The following PDHA1 variants were observed in gnomAD, a reference collection of about 807,000 sequenced individuals.
PDHA1 encodes pyruvate dehydrogenase E1 component subunit alpha, somatic form, mitochondrial.
PDHA1 carries 1 observed loss-of-function variant against 33.0 expected under a neutral mutation model. That is an observed-to-expected ratio of 0.03 (90% CI 0.01 to 0.14). PDHA1 has a LOEUF of 0.14. Among genes scored for constraint, PDHA1 ranks in the 10% least tolerant of loss-of-function variants. The pLI is 1.00. For missense variants in PDHA1, 168 were observed against 325.1 expected (o/e 0.52, Z 3.72); for synonymous variants, 123 against 119.2 (o/e 1.03, Z -0.21).
chrX:19,358,057 A>G (rs1602230067), intron 9 of PDHA1, among the ~76,000 whole-genome samples: 2 of 111,985 alleles, frequency 1.8e-5, no homozygotes, highest in Admixed American at 9.5e-5. Flanking sequence ...CCCCAAGTCT[A>G]CACCTGGCAT....
chrX:19,359,056 T>G (rs772994979), intron 10 of PDHA1, 32 bp downstream of exon 10: 14 of 996,185 alleles, frequency 1.4e-5, no homozygotes, highest in Non-Finnish European at 2.0e-5. Flanking sequence ...GGTTTGAAGG[T>G]TGGCTTTAAA....
chrX:19,344,207 C>A, intron 1 of PDHA1, 113 bp downstream of exon 1: 2 of 631,884 alleles, frequency 3.2e-6, no homozygotes, highest in Non-Finnish European at 4.8e-6. Flanking sequence ...GCCAGGGGAG[C>A]CGGGGAGCCT....
chrX:19,357,528 CAGA>C (rs1341246606), intron 8 of PDHA1, 121 bp from the exon 9 acceptor site: 8 of 584,613 alleles, frequency 1.4e-5, no homozygotes, highest in Admixed American at 1.3e-4. Flanking sequence ...CGTGACAACT[CAGA>C]AGATCTGATA....
At chrX:19,357,877 C>CCAA (rs2063214637) in intron 9 of PDHA1, among the ~76,000 whole-genome samples, 158 bp downstream of exon 9, 2 of 111,778 alleles carry the variant, frequency 1.8e-5, no homozygotes, top group African/African-American at 6.6e-5. Flanking sequence ...GCAGTGCCTC[C>CCAA]TAATAAGAAA....
chrX:19,357,592 C>A, intron 8 of PDHA1, 60 bp from the exon 9 acceptor site: 1 of 962,987 alleles, frequency 1.0e-6, no homozygotes, highest in Non-Finnish European at 1.5e-6. Flanking sequence ...CCGTGGATTG[C>A]CGGCCTGTTC....
At chrX:19,357,842 G>C in intron 9 of PDHA1, 123 bp downstream of exon 9, 1 of 564,197 alleles carries the variant, frequency 1.8e-6, no homozygotes, top group Non-Finnish European at 3.1e-6. Flanking sequence ...GTACGCAGTT[G>C]TGTTGGGCAT....
chrX:19,361,389 C>A lies in PDHA1; in HGVS notation c.*1736C>A. On this transcript the variant is annotated 3_prime_UTR_variant, in exon 11 of 11. Transcript: ENST00000422285. ...CCTTAGTGATCTCATTAAGAATATC[C>A]GAAAGTGTATAACCCTCTTCAACAA... The A allele has an allele frequency of 8.3e-7, 1 of 1,208,945 alleles. No individual in the cohort carries two copies. Among genetic ancestry groups the A allele is most frequent in the East Asian group, 3.0e-5 (1 of 33,858 alleles).
At chrX:19,354,222 C>T (rs1346435806) in intron 5 of PDHA1, among the ~76,000 whole-genome samples, 2 of 112,725 alleles carry the variant, frequency 1.8e-5, no homozygotes, top group Non-Finnish European at 3.7e-5. Context: ...TGAGCCACCA[C>T]GCCCGGCCAG....
Position 19,360,841 on chromosome X carries a change from A to G in PDHA1, c.*1188A>G, listed in dbSNP as rs761827915. 2.5e-6 allele frequency: 3 copies of G among 1,184,908 alleles called. No individual in the cohort carries two copies. Among genetic ancestry groups the G allele is most frequent in the Admixed American group, 2.3e-5 (1 of 43,023 alleles). On this transcript the variant is annotated 3_prime_UTR_variant, in exon 11 of 11. Coordinates refer to ENST00000422285, the MANE Select transcript of PDHA1 (RefSeq NM_000284.4). ...CTGCAGAGGAGACCACCCCTGGGAA[A>G]CAAACACAGCTGTCTTCAGAGTCAG...
chrX:19,353,663 A>G (rs1243041362), intron 5 of PDHA1, among the ~76,000 whole-genome samples: 1 of 111,621 alleles, frequency 9.0e-6, no homozygotes, highest in Non-Finnish European at 1.9e-5. Flanking sequence ...TTCATATCCT[A>G]CCGTTTGAGA....
At chrX:19,357,052 GCCCCACAACACACCA>G (rs904611864) in intron 8 of PDHA1, among the ~76,000 whole-genome samples, 2 of 112,241 alleles carry the variant, frequency 1.8e-5, no homozygotes, top group Non-Finnish European at 3.8e-5. Flanking sequence ...GTGGCTGCCA[GCCCCACAACACACCA>G]TGAGAAAGGA....
At position 19,360,779 on chromosome X, in the gene PDHA1, C is replaced by T; in HGVS notation, c.*1126C>T. 1 of 1,209,766 alleles carries T rather than the reference C, an allele frequency of 8.3e-7. No individual in the cohort carries two copies. The highest frequency in any genetic ancestry group is 3.0e-5 in the East Asian group (1 of 33,788). Reference sequence around the variant, plus strand: ...CCTTGTCTTTGGTTTCTGAGGCCTCCTGAGCCCTTCTGTACTGGGAGACCG... The same window carrying T: ...CCTTGTCTTTGGTTTCTGAGGCCTCTTGAGCCCTTCTGTACTGGGAGACCG... On this transcript the variant is annotated 3_prime_UTR_variant, in exon 11 of 11. Transcript: ENST00000422285.
chrX:19,344,164 C>A, intron 1 of PDHA1, 70 bp downstream of exon 1: 1 of 957,086 alleles, frequency 1.0e-6, no homozygotes, highest in Non-Finnish European at 1.5e-6. Context: ...GCAGGGCGGG[C>A]CAGGCCGGGC....
intron 9 of PDHA1, 32 bp downstream of exon 9, chrX:19,357,751 G>A (rs2063213751): frequency 2.7e-6 from 3 of 1,110,197 alleles, no homozygotes; most frequent in South Asian, 3.6e-5. Flanking sequence ...TTTCCATAGG[G>A]GTGGGCTTTG....
Position 19,361,618 on chromosome X carries a change from A to G in PDHA1, c.*1965A>G, listed in dbSNP as rs1463513229. The G allele has an allele frequency of 9.5e-7, 1 of 1,050,054 alleles. No individual in the cohort carries two copies. The highest frequency in any genetic ancestry group is 2.4e-5 in the Admixed American group (1 of 42,196). 86.5% of individuals were successfully genotyped at this position (1,050,054 alleles called of 1,213,427 possible). ...CCTGTAACGATTGGCAATTTGTTAT[A>G]TATTAGTCTAACCATAAAACTCTTC... On this transcript the variant is annotated 3_prime_UTR_variant, in exon 11 of 11. Transcript: ENST00000422285.
At chrX:19,358,316 A>C (rs2063220394) in intron 9 of PDHA1, among the ~76,000 whole-genome samples, 1 of 112,434 alleles carries the variant, frequency 8.9e-6, no homozygotes, top group Non-Finnish European at 1.9e-5. Context: ...AGCACAGTAT[A>C]TGGAAAAATG....
rs1057518702 is a variant in PDHA1 at position 19,351,258 on chromosome X, A to G, written c.292-23A>G. 3 of 1,201,762 alleles carry G rather than the reference A, an allele frequency of 2.5e-6. No individual in the cohort carries two copies. The highest frequency in any genetic ancestry group is 3.4e-6 in the Non-Finnish European group (3 of 888,084). On this transcript the variant is annotated intron_variant, in intron 3 of 10. Transcript: ENST00000422285. Reference sequence around the variant, plus strand: ...AGAAACATGTATCATATTGCCTCATAGTTTCTCCTTCCTCTAACACAGGAA... The same window carrying G: ...AGAAACATGTATCATATTGCCTCATGGTTTCTCCTTCCTCTAACACAGGAA...
At position 19,359,465 on chromosome X, in the gene PDHA1, T is replaced by C. The variant is rs760371061; in HGVS notation, c.1009-24T>C. 2.5e-6 allele frequency: 3 copies of C among 1,192,381 alleles called. No individual in the cohort carries two copies. The Admixed American group carries it at 6.5e-5, about 26-fold the overall frequency. On this transcript the variant is annotated intron_variant, in intron 10 of 10. Transcript: ENST00000422285. ...TAAGCTGCTGTTCATTCTAAAACCT[T>C]TTACACTGTTACCTAATTTTTAGGA...
intron 1 of PDHA1, among the ~76,000 whole-genome samples, chrX:19,348,583 A>G (rs912159446): frequency 8.9e-6 from 1 of 112,759 alleles, no homozygotes; most frequent in Non-Finnish European, 1.9e-5. Context: ...TGGAGATTAA[A>G]TCATAGTTTT....
Sources: allele counts gnomAD v4.1 joint callset (sites outside exome capture counted in the v4.1 genomes callset), GRCh38; gene constraint gnomAD v4.1.1; transcripts MANE v1.5; gene names NCBI Gene and HGNC (gene_info 2026-07-23, HGNC 2026-07-21).